NME8: variants seen among roughly 807,000 people sequenced by gnomAD.
NME8 encodes protein NME8.
A neutral mutation model predicts 82.3 loss-of-function variants in NME8; 72 were observed. The ratio of observed to expected loss-of-function variants is 0.87; its 90% CI spans 0.72 to 1.06. The LOEUF (loss-of-function observed/expected upper bound fraction) is 1.06. Ranked by LOEUF, NME8 falls within the 50% of genes least tolerant of loss-of-function variation. The pLI is 0.00. For missense variants in NME8, 712 were observed against 685.4 expected (o/e 1.04, Z -0.43); for synonymous variants, 267 against 228.5 (o/e 1.17, Z -1.52).
Position 37,876,854 on chromosome 7 carries a change from C to T in NME8, c.841C>T (p.Gln281Ter), listed in dbSNP as rs775303606. The change falls in exon 12 of 18, where the codon CAA (glutamine) becomes TAA (stop). Residue 281 changes from glutamine to a stop codon, truncating the protein, a stop_gained. Transcript: ENST00000199447. LOFTEE classifies it high-confidence loss of function. Reference sequence around the variant, plus strand: ...CAGTTTACAAGAATATCTGGAAAGACAACATTTAGCTCAGCTCTGTGACAT... The same window carrying T: ...CAGTTTACAAGAATATCTGGAAAGATAACATTTAGCTCAGCTCTGTGACAT... ...QDSLQEYLER[Q>*]HLAQLCDIEE... 2 of 1,612,292 alleles carry T rather than the reference C, an allele frequency of 1.2e-6. No homozygotes were observed. Among genetic ancestry groups the T allele is most frequent in the Non-Finnish European group, 1.7e-6 (2 of 1,178,846 alleles).
At chr7:37,895,667 T>C (rs1210030301) in intron 16 of NME8, among the ~76,000 whole-genome samples, 2 of 152,140 alleles carry the variant, frequency 1.3e-5, no homozygotes, top group African/African-American at 4.8e-5. Flanking sequence ...AATATTTCAG[T>C]CAATAATGAA....
chr7:37,893,804 C>T (rs1345119800), intron 15 of NME8, among the ~76,000 whole-genome samples: 1 of 152,164 alleles, frequency 6.6e-6, no homozygotes, highest in African/African-American at 2.4e-5. Flanking sequence ...TTCATTTCTG[C>T]AGTGCCTGTC....
At chr7:37,877,922 A>G (rs1056604859) in intron 12 of NME8, among the ~76,000 whole-genome samples, 1 of 152,202 alleles carries the variant, frequency 6.6e-6, no homozygotes, top group Non-Finnish European at 1.5e-5. Flanking sequence ...TAGGGTTTGC[A>G]AAGTGAGATA....
rs570286756 is a variant in NME8 at position 37,876,918 on chromosome 7, CT to C, written c.908del (p.Phe303SerfsTer8). The C allele has an allele frequency of 6.2e-7, 1 of 1,612,510 alleles. No homozygotes were observed. Among genetic ancestry groups the C allele is most frequent in the South Asian group, 1.1e-5 (1 of 91,030 alleles). ...DAANVAKFMD[A>X]FFPDFKKMKS... is the part of the protein sequence containing the mutation. ...GCTAATGTTGCTAAGTTCATGGATG[CT>C]TTCTTCCCCGATTTTAAAAAAATGA... is the stretch of plus-strand genomic sequence containing the variant. On this transcript the variant is annotated frameshift_variant, in exon 12 of 18. Coordinates refer to ENST00000199447, the MANE Select transcript of NME8 (RefSeq NM_016616.5). LOFTEE classifies it high-confidence loss of function.
chr7:37,888,963 T>C (rs1321785090), intron 15 of NME8, among the ~76,000 whole-genome samples: 1 of 152,030 alleles, frequency 6.6e-6, no homozygotes, highest in East Asian at 1.9e-4. Flanking sequence ...GAATACTTCA[T>C]AAGGAATGTG....
intron 5 of NME8, among the ~76,000 whole-genome samples, chr7:37,856,895 G>A (rs1784519959): frequency 6.6e-6 from 1 of 152,132 alleles, no homozygotes; most frequent in Admixed American, 6.6e-5. Flanking sequence ...AAGGGACATA[G>A]GTGCCTTGGG....
chr7:37,879,338 G>A (rs1341681884), intron 12 of NME8, among the ~76,000 whole-genome samples: 1 of 151,866 alleles, frequency 6.6e-6, no homozygotes, highest in South Asian at 2.1e-4. Context: ...GTAGAGAGGG[G>A]GTTTCCCCAT....
intron 5 of NME8, 68 bp downstream of exon 5, chr7:37,850,803 C>CT: frequency 2.0e-6 from 2 of 998,032 alleles, no homozygotes; most frequent in South Asian, 2.6e-5. Flanking sequence ...TCCTCTAATA[C>CT]TTTAAGTATT....
chr7:37,896,464 C>T (rs1241523362), intron 16 of NME8, among the ~76,000 whole-genome samples: 1 of 152,170 alleles, frequency 6.6e-6, no homozygotes, highest in Non-Finnish European at 1.5e-5. Flanking sequence ...CTGTTGTATG[C>T]TCACATCACT....
Position 37,894,337 on chromosome 7 carries a change from G to T in NME8, c.1400-129G>T. ...TGCTTTGGAATTTTAATTTCGTTTG[G>T]CAGAGTTTTGCCATGTTAAACCACA... is the stretch of plus-strand genomic sequence containing the variant. On this transcript the variant is annotated intron_variant, in intron 15 of 17. Coordinates refer to ENST00000199447, the MANE Select transcript of NME8 (RefSeq NM_016616.5). The T allele has an allele frequency of 1.4e-5, 13 of 904,926 alleles. No homozygotes were observed. In the South Asian group the frequency reaches 1.8e-4, roughly 13 times the overall value. The allele number at this position is 904,926 out of a possible 1,614,324, so 56.1% of individuals were successfully genotyped here.
intron 16 of NME8, among the ~76,000 whole-genome samples, chr7:37,895,281 A>G (rs1473321692): frequency 6.6e-6 from 1 of 152,186 alleles, no homozygotes; most frequent in Non-Finnish European, 1.5e-5. Flanking sequence ...ACATACTTTT[A>G]TAACCACCAC....
chr7:37,872,949 T>C (rs528924634), intron 11 of NME8, among the ~76,000 whole-genome samples: 1 of 152,212 alleles, frequency 6.6e-6, no homozygotes, highest in African/African-American at 2.4e-5. Flanking sequence ...ACAGACAGAG[T>C]AAGCACTTGT....
At chr7:37,878,315 A>G (rs1162761492) in intron 12 of NME8, among the ~76,000 whole-genome samples, 2 of 152,288 alleles carry the variant, frequency 1.3e-5, no homozygotes, top group Middle Eastern at 3.4e-3. Context: ...CTTGGCTGTC[A>G]TGTATTATCC....
At chr7:37,884,714 T>C (rs945390886) in intron 13 of NME8, among the ~76,000 whole-genome samples, 1 of 152,194 alleles carries the variant, frequency 6.6e-6, no homozygotes, top group Non-Finnish European at 1.5e-5. Flanking sequence ...GTCCAGGGTG[T>C]ACAATACTAT....
chr7:37,893,784 T>C, intron 15 of NME8, among the ~76,000 whole-genome samples: 1 of 152,134 alleles, frequency 6.6e-6, no homozygotes, highest in East Asian at 1.9e-4. Flanking sequence ...AGGTTTATGT[T>C]TTCTTCCCTT....
At chr7:37,869,897 G>A (rs1471565114) in intron 11 of NME8, among the ~76,000 whole-genome samples, 3 of 152,158 alleles carry the variant, frequency 2.0e-5, no homozygotes, top group African/African-American at 7.2e-5. Flanking sequence ...CCGGCCAGCA[G>A]TCTCTCTCAA....
chr7:37,884,529 C>A, intron 13 of NME8, 82 bp downstream of exon 13: 1 of 1,198,076 alleles, frequency 8.3e-7, no homozygotes, highest in Non-Finnish European at 1.2e-6. Flanking sequence ...TCTATTTAAG[C>A]TGCCAAACTC....
chr7:37,880,967 G>A (rs1161396632), intron 12 of NME8, among the ~76,000 whole-genome samples: 1 of 151,958 alleles, frequency 6.6e-6, no homozygotes, highest in African/African-American at 2.4e-5. Context: ...ATTGACTTTT[G>A]TATATTAATT....
At chr7:37,850,812 T>C in intron 5 of NME8, 77 bp downstream of exon 5, 1 of 935,784 alleles carries the variant, frequency 1.1e-6, no homozygotes, top group South Asian at 1.3e-5. Context: ...ACTTTAAGTA[T>C]TGTCTTAATT....
Sources: allele counts gnomAD v4.1 joint callset (sites outside exome capture counted in the v4.1 genomes callset), GRCh38; gene constraint gnomAD v4.1.1; transcripts MANE v1.5; gene names NCBI Gene and HGNC (gene_info 2026-07-23, HGNC 2026-07-21).